Variants in KCNB2 observed in about 807,000 individuals in gnomAD.
KCNB2 encodes the protein delayed rectifier potassium channel protein.
Under a neutral mutation model 61.5 loss-of-function variants are expected in KCNB2, and 15 were observed. That is an observed-to-expected ratio of 0.24 (90% CI 0.16 to 0.38). The LOEUF is 0.38. KCNB2 is among the 10% of genes least tolerant of loss of function. The pLI is 1.00. For missense variants in KCNB2, 828 were observed against 1,125.2 expected (o/e 0.74, Z 3.78); for synonymous variants, 457 against 446.0 (o/e 1.02, Z -0.31).
At chr8:72,756,496 T>G (rs1808292769) in intron 2 of KCNB2, among the ~76,000 whole-genome samples, 1 of 152,234 alleles carries the variant, frequency 6.6e-6, no homozygotes. Flanking sequence ...CTATGGAGTT[T>G]TTAAAATTCC....
chr8:72,847,758 C>G (rs1450694076), intron 2 of KCNB2, among the ~76,000 whole-genome samples: 1 of 152,116 alleles, frequency 6.6e-6, no homozygotes, highest in Non-Finnish European at 1.5e-5. Context: ...AAGTAAGGCA[C>G]AAAACACCAA....
At chr8:72,680,492 C>T (rs1399485557) in intron 2 of KCNB2, among the ~76,000 whole-genome samples, 5 of 152,128 alleles carry the variant, frequency 3.3e-5, no homozygotes, top group Admixed American at 6.5e-5. Context: ...AAAGCAGCAT[C>T]GTATGGACGT....
intron 2 of KCNB2, among the ~76,000 whole-genome samples, chr8:72,676,928 C>T (rs922839500): frequency 6.6e-6 from 1 of 152,134 alleles, no homozygotes; most frequent in African/African-American, 2.4e-5. Flanking sequence ...GTTCCCCCCA[C>T]CCCTGCCAAA....
At chr8:72,566,752 A>G (rs1197891672) in intron 1 of KCNB2, among the ~76,000 whole-genome samples, 1 of 151,876 alleles carries the variant, frequency 6.6e-6, no homozygotes, top group African/African-American at 2.4e-5. Context: ...AGTCTAGGCA[A>G]GTAAGTGATG....
At chr8:72,752,084 G>T (rs76801934) in intron 2 of KCNB2, among the ~76,000 whole-genome samples, 2,714 of 152,266 alleles carry the variant, frequency 0.018, 37 homozygotes, top group Non-Finnish European at 0.025. Flanking sequence ...TGAGGTCTGG[G>T]TGAACTCCCC....
intron 2 of KCNB2, among the ~76,000 whole-genome samples, chr8:72,713,008 A>T (rs1585846153): frequency 6.6e-6 from 1 of 152,308 alleles, no homozygotes; most frequent in East Asian, 1.9e-4. Context: ...ACACCAGGAG[A>T]TTATATCCCA....
At chr8:72,827,926 C>T (rs1366374580) in intron 2 of KCNB2, among the ~76,000 whole-genome samples, 7 of 151,980 alleles carry the variant, frequency 4.6e-5, no homozygotes, top group Admixed American at 1.3e-4. Context: ...GATTCTCCTG[C>T]CTCATCCTCC....
At chr8:72,881,704 C>T (rs1805708804) in intron 2 of KCNB2, 1 of 152,214 alleles carries the variant, frequency 6.6e-6, no homozygotes, top group East Asian at 1.9e-4. Context: ...GCTACCTCTG[C>T]CCTGCCTCTA....
intron 2 of KCNB2, among the ~76,000 whole-genome samples, chr8:72,603,431 C>A (rs988405499): frequency 6.6e-6 from 1 of 152,158 alleles, no homozygotes; most frequent in Non-Finnish European, 1.5e-5. Flanking sequence ...ATCCCTTCTC[C>A]CCATATCTAC....
intron 2 of KCNB2, among the ~76,000 whole-genome samples, chr8:72,632,886 T>A (rs1156762294): frequency 6.6e-6 from 1 of 152,180 alleles, no homozygotes; most frequent in Non-Finnish European, 1.5e-5. Flanking sequence ...CTTGAAATAA[T>A]TTAGTTCCAT....
intron 2 of KCNB2, among the ~76,000 whole-genome samples, chr8:72,579,694 GTTAA>G (rs1414771525): frequency 6.6e-6 from 1 of 152,216 alleles, no homozygotes; most frequent in Non-Finnish European, 1.5e-5. Flanking sequence ...GAAAGAGACT[GTTAA>G]TTGATACCTA....
chr8:72,874,575 G>A (rs535915218), intron 2 of KCNB2, among the ~76,000 whole-genome samples: 1 of 152,340 alleles, frequency 6.6e-6, no homozygotes, highest in South Asian at 2.1e-4. Flanking sequence ...GGTGGACACA[G>A]ACACCTCTAG....
intron 2 of KCNB2, among the ~76,000 whole-genome samples, chr8:72,656,364 T>C (rs1168437063): frequency 6.6e-6 from 1 of 152,180 alleles, no homozygotes; most frequent in African/African-American, 2.4e-5. Context: ...ATATTTTGCC[T>C]GTCTAATTCA....
At chr8:72,619,281 G>T in intron 2 of KCNB2, 1 of 618,196 alleles carries the variant, frequency 1.6e-6, no homozygotes, top group South Asian at 1.4e-5. Context: ...CAGATACCTG[G>T]AACCAGTGCT....
chr8:72,628,428 TGTGTGTGTGTGTGTGTGA>T (rs1046357639), intron 2 of KCNB2, among the ~76,000 whole-genome samples: 2,064 of 149,614 alleles, frequency 0.014, 43 homozygotes, highest in African/African-American at 0.048. Flanking sequence ...TGTGTGTGTG[TGTGTGTGTGTGTGTGTGA>T]GATGCACTTA....
chr8:72,607,887 A>T (rs1176120284), intron 2 of KCNB2, among the ~76,000 whole-genome samples: 1 of 152,214 alleles, frequency 6.6e-6, no homozygotes, highest in Non-Finnish European at 1.5e-5. Context: ...AATAAAAGTG[A>T]CTTATTTAAC....
At chr8:72,712,297 C>T (rs1163989878) in intron 2 of KCNB2, among the ~76,000 whole-genome samples, 2 of 152,184 alleles carry the variant, frequency 1.3e-5, no homozygotes, top group Non-Finnish European at 2.9e-5. Flanking sequence ...AAGGCCTACC[C>T]CCAGTCTTAC....
chr8:72,597,641 C>T (rs908710180), intron 2 of KCNB2, among the ~76,000 whole-genome samples: 2 of 152,154 alleles, frequency 1.3e-5, no homozygotes, highest in Non-Finnish European at 2.9e-5. Flanking sequence ...TTCATCAAAT[C>T]ACTGTTAGAA....
chr8:72,790,722 T>A (rs1808928882), intron 2 of KCNB2, among the ~76,000 whole-genome samples: 1 of 152,172 alleles, frequency 6.6e-6, no homozygotes, highest in African/African-American at 2.4e-5. Context: ...GAAAAACACC[T>A]TACAGATACT....
Sources: gnomAD v4.1 joint callset for allele counts (sites outside exome capture counted in the v4.1 genomes callset) on GRCh38, gnomAD v4.1.1 for gene constraint, MANE v1.5 for transcripts, NCBI Gene and HGNC (gene_info 2026-07-23, HGNC 2026-07-21) for gene names.